The following ABHD17C variants were observed in gnomAD, a reference collection of about 807,000 sequenced individuals.
ABHD17C encodes the protein alpha/beta hydrolase domain-containing protein 17C.
In ABHD17C, 11 loss-of-function variants were observed where a neutral mutation model predicts 27.9. The ratio of observed to expected loss-of-function variants is 0.39; its 90% CI spans 0.25 to 0.65. ABHD17C has a LOEUF of 0.65. Ranked by LOEUF, ABHD17C falls within the 30% of genes least tolerant of loss-of-function variation. ABHD17C has a pLI of 0.45. For synonymous variants in ABHD17C, 233 were observed against 209.1 expected (o/e 1.11, Z -0.98); for missense variants, 280 against 470.2 (o/e 0.60, Z 3.74).
chr15:80,749,507 C>T lies in ABHD17C; in HGVS notation c.591-6C>T, dbSNP rs1239815829. ...GCTAATGGCATACAACCTCTGATTT[C>T]TCCAGGTATGGCGTGAGTCCCGAGA... On this transcript the variant is annotated splice_region_variant and splice_polypyrimidine_tract_variant and intron_variant, in intron 1 of 2. Coordinates refer to ENST00000258884, the MANE Select transcript of ABHD17C (RefSeq NM_021214.2). 6.2e-7 allele frequency: 1 copy of T among 1,613,060 alleles called. No individual in the cohort carries two copies. Among genetic ancestry groups the T allele is most frequent in the Non-Finnish European group, 8.5e-7 (1 of 1,179,332 alleles).
intron 1 of ABHD17C, among the ~76,000 whole-genome samples, chr15:80,698,168 C>T (rs1894520248): frequency 1.3e-5 from 2 of 150,374 alleles, no homozygotes; most frequent in South Asian, 4.2e-4. Flanking sequence ...GGGTTCACGC[C>T]ATTCTCCTAC....
At chr15:80,729,962 C>T (rs578066232) in intron 1 of ABHD17C, among the ~76,000 whole-genome samples, 1 of 151,992 alleles carries the variant, frequency 6.6e-6, no homozygotes, top group African/African-American at 2.4e-5. Flanking sequence ...TAAAAAAATA[C>T]ACAAAAATTA....
chr15:80,708,059 G>A (rs898284224), intron 1 of ABHD17C, among the ~76,000 whole-genome samples: 4 of 152,140 alleles, frequency 2.6e-5, no homozygotes, highest in East Asian at 1.9e-4. Flanking sequence ...CACTGTCAGC[G>A]CAGCTCTTCA....
chr15:80,713,637 GTC>G (rs1199169045), intron 1 of ABHD17C, among the ~76,000 whole-genome samples: 1 of 151,630 alleles, frequency 6.6e-6, no homozygotes, highest in Admixed American at 6.6e-5. Context: ...GTGAAACTCC[GTC>G]TCTACTAAAA....
intron 1 of ABHD17C, among the ~76,000 whole-genome samples, chr15:80,697,095 T>A (rs76567558): frequency 6.7e-6 from 1 of 149,072 alleles, no homozygotes; most frequent in Admixed American, 6.7e-5. Context: ...ACGTTAATGA[T>A]TTTTTTTTTT....
chr15:80,709,411 C>T (rs1335316843), intron 1 of ABHD17C, among the ~76,000 whole-genome samples: 1 of 151,612 alleles, frequency 6.6e-6, no homozygotes, highest in Non-Finnish European at 1.5e-5. Context: ...ATCACTTGAA[C>T]CCAGGAGGCA....
At chr15:80,733,041 C>A (rs1567036403) in intron 1 of ABHD17C, among the ~76,000 whole-genome samples, 1 of 152,188 alleles carries the variant, frequency 6.6e-6, no homozygotes, top group Non-Finnish European at 1.5e-5. Flanking sequence ...TTAATTCTTG[C>A]AGCAGTCCCA....
Position 80,706,351 on chromosome 15 carries a change from C to T in ABHD17C, c.590+10332C>T, listed in dbSNP as rs555701963. Among the ~76,000 whole-genome samples the T allele has an allele frequency of 7.2e-5, 11 of 152,244 alleles. No individual in the cohort carries two copies. In the East Asian group the frequency reaches 7.7e-4, roughly 11 times the overall value. ...AGGTCATTCAGATTCAATGCTCAGA[C>T]GGATAGTTAACGGTTGTACGTCAAT... On this transcript the variant is annotated intron_variant, in intron 1 of 2. Coordinates refer to ENST00000258884, the MANE Select transcript of ABHD17C (RefSeq NM_021214.2).
intron 1 of ABHD17C, among the ~76,000 whole-genome samples, chr15:80,732,519 T>G (rs961515879): frequency 6.6e-6 from 1 of 152,186 alleles, no homozygotes; most frequent in African/African-American, 2.4e-5. Flanking sequence ...TATCCTGTGT[T>G]TGGTATATTT....
At chr15:80,721,788 G>C (rs747732273) in intron 1 of ABHD17C, among the ~76,000 whole-genome samples, 7 of 152,110 alleles carry the variant, frequency 4.6e-5, no homozygotes, top group Admixed American at 2.0e-4. Flanking sequence ...GGGGCTTTCA[G>C]ACACACGCAG....
intron 1 of ABHD17C, among the ~76,000 whole-genome samples, chr15:80,741,215 C>T (rs1002590452): frequency 5.3e-5 from 8 of 152,054 alleles, no homozygotes; most frequent in Admixed American, 3.3e-4. Context: ...TTTCTGTCCT[C>T]TAAAGGTTTC....
intron 1 of ABHD17C, among the ~76,000 whole-genome samples, chr15:80,736,457 G>A (rs1895131626): frequency 6.6e-6 from 1 of 152,138 alleles, no homozygotes; most frequent in Non-Finnish European, 1.5e-5. Flanking sequence ...GTGTTTTCTG[G>A]CTGGTCCTAT....
At chr15:80,714,746 C>G (rs1388211976) in intron 1 of ABHD17C, among the ~76,000 whole-genome samples, 11 of 152,154 alleles carry the variant, frequency 7.2e-5, no homozygotes, top group African/African-American at 7.2e-5. Context: ...TCGGGAGCAC[C>G]TGCTCTCATT....
intron 1 of ABHD17C, among the ~76,000 whole-genome samples, chr15:80,705,368 G>GTGTGTGTGTGTGTGTGTGTGTGT (rs1555421876): frequency 2.1e-3 from 9 of 4,336 alleles, no homozygotes; most frequent in Admixed American, 8.2e-3. Flanking sequence ...TGTGTGTGTG[G>GTGTGTGTGTGTGTGTGTGTGTGT]TTAGGAGCAT....
intron 1 of ABHD17C, among the ~76,000 whole-genome samples, chr15:80,745,425 A>G (rs140436642): frequency 6.6e-6 from 1 of 151,792 alleles, no homozygotes; most frequent in East Asian, 1.9e-4. Flanking sequence ...CCCAGGCTGG[A>G]GTACAGTGGC....
intron 1 of ABHD17C, among the ~76,000 whole-genome samples, chr15:80,748,308 C>T (rs544765663): frequency 1.2e-4 from 19 of 152,240 alleles, no homozygotes; most frequent in African/African-American, 4.3e-4. Flanking sequence ...GTATTTATTC[C>T]GAAAAGGAGA....
intron 1 of ABHD17C, among the ~76,000 whole-genome samples, chr15:80,728,942 G>T (rs544355137): frequency 6.6e-6 from 1 of 152,204 alleles, no homozygotes; most frequent in Non-Finnish European, 1.5e-5. Flanking sequence ...TCTGTATCTT[G>T]TTCAAGAGTT....
chr15:80,745,604 T>G (rs892417627), intron 1 of ABHD17C, among the ~76,000 whole-genome samples: 1 of 152,128 alleles, frequency 6.6e-6, no homozygotes, highest in African/African-American at 2.4e-5. Context: ...TGGTCTCAAG[T>G]GATCTTCCCA....
chr15:80,728,799 T>C (rs1025912682), intron 1 of ABHD17C, among the ~76,000 whole-genome samples: 1 of 152,210 alleles, frequency 6.6e-6, no homozygotes, highest in Non-Finnish European at 1.5e-5. Flanking sequence ...ATTGTAGAGA[T>C]GTGGTTTCAC....
Sources: gnomAD v4.1 joint callset for allele counts (sites outside exome capture counted in the v4.1 genomes callset) on GRCh38, gnomAD v4.1.1 for gene constraint, MANE v1.5 for transcripts, NCBI Gene and HGNC (gene_info 2026-07-23, HGNC 2026-07-21) for gene names.